The following NRXN3 variants were observed in gnomAD, a reference collection of about 807,000 sequenced individuals.
NRXN3 encodes neurexin III.
A neutral mutation model predicts 137.6 loss-of-function variants in NRXN3; 32 were observed. The ratio of observed to expected loss-of-function variants is 0.23; its 90% CI spans 0.18 to 0.31. NRXN3 has a LOEUF of 0.31. Ranked by LOEUF, NRXN3 falls within the 10% of genes least tolerant of loss-of-function variation. The pLI is 1.00. For missense variants in NRXN3, 1,574 were observed against 2,062.5 expected (o/e 0.76, Z 4.59); for synonymous variants, 798 against 784.5 (o/e 1.02, Z -0.29).
intron 16 of NRXN3, among the ~76,000 whole-genome samples, chr14:79,551,936 C>T (rs1348909289): frequency 6.6e-6 from 1 of 152,186 alleles, no homozygotes; most frequent in African/African-American, 2.4e-5. Context: ...CCAGGTGACA[C>T]ACCAGGTTTC....
intron 4 of NRXN3, among the ~76,000 whole-genome samples, chr14:78,412,758 T>G (rs1452398319): frequency 6.6e-6 from 1 of 152,150 alleles, no homozygotes; most frequent in Non-Finnish European, 1.5e-5. Flanking sequence ...CAACTAACAT[T>G]AATTCTGCTT....
chr14:79,092,352 A>C (rs915187390), intron 15 of NRXN3, among the ~76,000 whole-genome samples: 3 of 152,228 alleles, frequency 2.0e-5, no homozygotes, highest in Non-Finnish European at 4.4e-5. Flanking sequence ...GTAATGAAGA[A>C]TATCAAGAAA....
At chr14:78,285,113 A>G (rs766140315) in intron 3 of NRXN3, among the ~76,000 whole-genome samples, 9 of 152,190 alleles carry the variant, frequency 5.9e-5, no homozygotes, top group Admixed American at 4.6e-4. Context: ...TTAGAATCAG[A>G]TGACCTTTCA....
At chr14:78,480,131 A>G (rs2095447735) in intron 4 of NRXN3, among the ~76,000 whole-genome samples, 1 of 152,156 alleles carries the variant, frequency 6.6e-6, no homozygotes, top group South Asian at 2.1e-4. Flanking sequence ...ATAGAGTGAG[A>G]CCCTCAAAGA....
In NRXN3 at chr14:78,243,753, C is replaced by T. The variant is rs559709941; in HGVS notation, c.660C>T (p.Pro220=). 2.3e-5 allele frequency: 37 copies of T among 1,597,098 alleles called. No individual in the cohort carries two copies. Among genetic ancestry groups the T allele is most frequent in the Admixed American group, 8.3e-5 (5 of 59,948 alleles). The stretch of plus-strand genomic sequence containing the variant: ...TCTGCTTTCTCCTGGACGGCCACCC[C>T]ACCTGTGACTGTTCTACCACTGGCT... ...GGICFLLDGH[P]TCDCSTTGYG... is the part of the protein sequence containing the mutation. The change falls in exon 2 of 21, where the codon CCC becomes CCT. Residue 220 remains proline (P), a synonymous_variant. Transcript: ENST00000335750. The surrounding 1 kb of genome is among the most constrained non-coding windows in gnomAD (Gnocchi z 4.2).
chr14:79,023,254 T>C (rs552663041), intron 15 of NRXN3, among the ~76,000 whole-genome samples: 2 of 152,204 alleles, frequency 1.3e-5, no homozygotes, highest in South Asian at 2.1e-4. Flanking sequence ...TCTTAAAATA[T>C]GAGTTTAGAA....
intron 15 of NRXN3, among the ~76,000 whole-genome samples, chr14:79,319,633 A>T (rs1005122712): frequency 1.3e-5 from 2 of 152,226 alleles, no homozygotes; most frequent in East Asian, 3.8e-4. Flanking sequence ...GTGGTCTTCT[A>T]GTTCATTCCA....
intron 16 of NRXN3, among the ~76,000 whole-genome samples, chr14:79,605,136 A>C (rs1395632253): frequency 6.6e-6 from 1 of 152,222 alleles, no homozygotes; most frequent in Non-Finnish European, 1.5e-5. Context: ...ATCATGGCTC[A>C]GCATTTTTCT....
chr14:78,381,601 C>A (rs1310638338), intron 4 of NRXN3, among the ~76,000 whole-genome samples: 1 of 152,110 alleles, frequency 6.6e-6, no homozygotes, highest in Non-Finnish European at 1.5e-5. Context: ...GACAGTATTA[C>A]AAAATCGTGT....
chr14:79,725,288 G>A (rs1466583468), intron 19 of NRXN3, among the ~76,000 whole-genome samples: 1 of 152,144 alleles, frequency 6.6e-6, no homozygotes, highest in Non-Finnish European at 1.5e-5. Context: ...TGCAAAACAA[G>A]AGAAGGCAAA....
chr14:78,388,096 A>T (rs1337832786), intron 4 of NRXN3, among the ~76,000 whole-genome samples: 1 of 152,198 alleles, frequency 6.6e-6, no homozygotes, highest in Non-Finnish European at 1.5e-5. Context: ...AGATACTCCC[A>T]TATGTGACCT....
At chr14:79,078,991 A>C (rs560450739) in intron 15 of NRXN3, among the ~76,000 whole-genome samples, 2 of 152,244 alleles carry the variant, frequency 1.3e-5, no homozygotes, top group South Asian at 4.1e-4. Context: ...AATTCATGGC[A>C]TTGTGTATTT....
intron 15 of NRXN3, among the ~76,000 whole-genome samples, chr14:79,176,830 T>C (rs1429698042): frequency 6.6e-6 from 1 of 152,236 alleles, no homozygotes; most frequent in African/African-American, 2.4e-5. Flanking sequence ...CTTATCTGAC[T>C]CTTCACCCAT....
At chr14:79,258,652 T>C (rs1375540794) in intron 15 of NRXN3, among the ~76,000 whole-genome samples, 5 of 152,232 alleles carry the variant, frequency 3.3e-5, no homozygotes, top group Non-Finnish European at 4.4e-5. Flanking sequence ...TGAGGGTCAG[T>C]TCTTCCAGTT....
intron 19 of NRXN3, among the ~76,000 whole-genome samples, chr14:79,718,537 A>G (rs745834145): frequency 6.6e-6 from 1 of 152,218 alleles, no homozygotes; most frequent in Non-Finnish European, 1.5e-5. Flanking sequence ...GAGGAGGCAG[A>G]GAGACCTAAT....
rs117900794 is a variant in NRXN3 at position 78,973,548 on chromosome 14, G to A, written c.3142+5202G>A. 2.9e-3 allele frequency among the ~76,000 whole-genome samples: 439 copies of A among 152,100 alleles called. 5 individuals are homozygous for A. In the East Asian group the frequency reaches 0.052, roughly 18 times the overall value. On this transcript the variant is annotated intron_variant, in intron 14 of 20. Transcript: ENST00000335750. ...CACTTTAATTTCCTGTTTTGTGATC[G>A]CAGGAAAAAAGTACTCTTGAGGAAG...
chr14:79,774,339 A>C (rs2099089890), intron 19 of NRXN3, among the ~76,000 whole-genome samples: 1 of 152,160 alleles, frequency 6.6e-6, no homozygotes, highest in South Asian at 2.1e-4. Flanking sequence ...TAGAAAGAGC[A>C]AGTCAATGGT....
chr14:79,299,929 C>T (rs542824452), intron 15 of NRXN3, among the ~76,000 whole-genome samples: 1 of 152,198 alleles, frequency 6.6e-6, no homozygotes, highest in African/African-American at 2.4e-5. Context: ...AGCATGTATG[C>T]ATTGAATGTC....
intron 4 of NRXN3, among the ~76,000 whole-genome samples, chr14:78,591,538 T>C (rs1276098545): frequency 6.6e-6 from 1 of 152,116 alleles, no homozygotes; most frequent in Non-Finnish European, 1.5e-5. Flanking sequence ...ATGTCAATCA[T>C]AGTGATAAAG....
Sources: allele counts gnomAD v4.1 joint callset (sites outside exome capture counted in the v4.1 genomes callset), GRCh38; gene constraint gnomAD v4.1.1; non-coding constraint Gnocchi (gnomAD v3.1); transcripts MANE v1.5; gene names NCBI Gene and HGNC (gene_info 2026-07-23, HGNC 2026-07-21).